SVEP1: variants seen among roughly 807,000 people sequenced by gnomAD.
The protein encoded by SVEP1 is sushi, von Willebrand factor type A, EGF and pentraxin domain-containing protein 1.
SVEP1 carries 164 observed loss-of-function variants against 367.3 expected under a neutral mutation model. The observed-to-expected ratio is 0.45, with a 90% CI of 0.39 to 0.51. The LOEUF (loss-of-function observed/expected upper bound fraction) is 0.51, where lower values mean the gene tolerates loss of function less well. Among genes scored for constraint, SVEP1 ranks in the 20% least tolerant of loss-of-function variants. SVEP1 has a pLI of 0.00. For missense variants in SVEP1, 4,117 were observed against 4,425.3 expected (o/e 0.93, Z 1.98); for synonymous variants, 1,666 against 1,611.6 (o/e 1.03, Z -0.81).
intron 3 of SVEP1, among the ~76,000 whole-genome samples, chr9:110,530,596 A>G (rs1830005604): frequency 6.6e-6 from 1 of 151,930 alleles, no homozygotes; most frequent in Admixed American, 6.6e-5. Context: ...GAGTGCAGTG[A>G]TATGGTCTTG....
intron 15 of SVEP1, 62 bp downstream of exon 15, chr9:110,472,097 G>T: frequency 2.7e-6 from 4 of 1,469,560 alleles, no homozygotes; most frequent in Non-Finnish European, 3.7e-6. Context: ...GATTTGAGAA[G>T]CAGGTTTCCA....
chr9:110,563,810 T>C (rs1030943534), intron 1 of SVEP1, among the ~76,000 whole-genome samples: 1 of 152,198 alleles, frequency 6.6e-6, no homozygotes, highest in Non-Finnish European at 1.5e-5. Flanking sequence ...TCTCTTTGTA[T>C]ATCTTCTTCA....
Position 110,415,523 on chromosome 9 carries a change from G to A in SVEP1, c.5976-3788C>T, listed in dbSNP as rs140248704. ...AGCATCTTGAGAAGTGGAAGAAGAC[G>A]GTAAGACAGGTCATATTTTACAAAG... On this transcript the variant is annotated intron_variant, in intron 36 of 47. Coordinates refer to ENST00000374469, the MANE Select transcript of SVEP1 (RefSeq NM_153366.4). Among the ~76,000 whole-genome samples the A allele has an allele frequency of 1.2e-3, 178 of 152,072 alleles. 7 individuals carry two copies. Among genetic ancestry groups the A allele is most frequent in the African/African-American group, 4.0e-3 (164 of 41,356 alleles).
chr9:110,400,746 A>C (rs1424293797), intron 40 of SVEP1, 108 bp downstream of exon 40: 5 of 1,189,334 alleles, frequency 4.2e-6, no homozygotes, highest in African/African-American at 1.6e-5. Flanking sequence ...AGTATAATAG[A>C]ATCTTTTGAG....
At chr9:110,405,535 A>C (rs34410014) in intron 38 of SVEP1, among the ~76,000 whole-genome samples, 263 of 127,990 alleles carry the variant, frequency 2.1e-3, no homozygotes, top group Middle Eastern at 4.0e-3. Context: ...CAGCATAATT[A>C]ATATGTATTA....
chr9:110,423,675 T>A (rs899696284), intron 36 of SVEP1, among the ~76,000 whole-genome samples: 4 of 151,870 alleles, frequency 2.6e-5, no homozygotes, highest in Non-Finnish European at 5.9e-5. Context: ...TATATTAAAA[T>A]AAAAAATTCT....
chr9:110,425,642 C>G (rs543877586), intron 36 of SVEP1, among the ~76,000 whole-genome samples: 1 of 152,252 alleles, frequency 6.6e-6, no homozygotes, highest in African/African-American at 2.4e-5. Context: ...ATTTTTTAAT[C>G]GTTTTCATAA....
In SVEP1 at chr9:110,411,227, A is replaced by G; in HGVS notation, c.6484T>C (p.Tyr2162His). 1 of 1,613,988 alleles carries G rather than the reference A, an allele frequency of 6.2e-7. No individual in the cohort carries two copies. The highest frequency in any genetic ancestry group is 1.3e-5 in the African/African-American group (1 of 75,036). Residue 2162 changes from tyrosine to histidine, a missense_variant, in exon 37 of 48, where the codon TAC (tyrosine) becomes CAC (histidine). Around this residue, in one of 4 missense-constraint regions of SVEP1, gnomAD observed 1,765 missense variants for 1,781.1 expected, o/e 0.99. Transcript: ENST00000374469. ...TAAGCCACCATGGCTCCAAAACTGTAGTTTGATCCACTTGCATAGCCATTC... is the reference window on the plus strand; with the variant it reads ...TAAGCCACCATGGCTCCAAAACTGTGGTTTGATCCACTTGCATAGCCATTC... Reference protein sequence around the residue: ...IMNGYASGSNYSFGAMVAYSC... With the variant: ...IMNGYASGSNHSFGAMVAYSC...
intron 41 of SVEP1, among the ~76,000 whole-genome samples, chr9:110,387,887 A>C (rs1312821018): frequency 6.6e-6 from 1 of 152,182 alleles, no homozygotes; most frequent in African/African-American, 2.4e-5. Flanking sequence ...AATAACAAAT[A>C]CATTTTTAGT....
chr9:110,497,810 C>G (rs1210574045), intron 7 of SVEP1, among the ~76,000 whole-genome samples: 1 of 152,212 alleles, frequency 6.6e-6, no homozygotes. Context: ...ATTAGGTCTT[C>G]TGTAACTTCT....
rs1020852399 is a variant in SVEP1, at chr9:110,451,328, C to T, written c.3862G>A (p.Val1288Met). ...ACACATGTGCAACGATAGCCAGCCA[C>T]ACCATCAACACAGATTCCTTTATTT... Reference protein sequence around the residue: ...CLNKGICVDGVAGYRCTCVKG... With the variant: ...CLNKGICVDGMAGYRCTCVKG... Residue 1288 changes from valine to methionine, a missense_variant, in exon 23 of 48, where the codon GTG (valine) becomes ATG (methionine). Physicochemically the swap from Val to Met is conservative, Grantham distance 21 (BLOSUM62 1). Transcript: ENST00000374469. 1 of 1,613,796 alleles carries T rather than the reference C, an allele frequency of 6.2e-7. No individual in the cohort carries two copies. Among genetic ancestry groups the T allele is most frequent in the Non-Finnish European group, 8.5e-7 (1 of 1,179,762 alleles).
chr9:110,570,067 A>C (rs1396720808), intron 1 of SVEP1, among the ~76,000 whole-genome samples: 1 of 152,190 alleles, frequency 6.6e-6, no homozygotes, highest in African/African-American at 2.4e-5. Flanking sequence ...AACAACTCTC[A>C]CAGAGTTTTT....
intron 40 of SVEP1, among the ~76,000 whole-genome samples, chr9:110,389,918 T>C (rs1471705198): frequency 2.7e-4 from 41 of 151,578 alleles, no homozygotes; most frequent in Admixed American, 2.6e-3. Flanking sequence ...CTTAGAAATA[T>C]ATGAATCATA....
rs190605865 is a variant in SVEP1, at chr9:110,378,105, C to G, written c.10409-739G>C. On this transcript the variant is annotated intron_variant, in intron 44 of 47. Transcript: ENST00000374469. ...TATCTGCCTATTTTTATCTGCATGT[C>G]TATCTAATCTATCTTCTTAATCATC... Among the ~76,000 whole-genome samples the G allele has an allele frequency of 2.7e-3, 409 of 150,156 alleles. 1 individual carries two copies. Among genetic ancestry groups the G allele is most frequent in the African/African-American group, 9.1e-3 (372 of 40,760 alleles).
At chr9:110,386,777 G>A (rs1249608330) in intron 42 of SVEP1, among the ~76,000 whole-genome samples, 2 of 152,194 alleles carry the variant, frequency 1.3e-5, no homozygotes, top group African/African-American at 2.4e-5. Flanking sequence ...GTACACTTCC[G>A]CTGTTACTAC....
intron 27 of SVEP1, among the ~76,000 whole-genome samples, chr9:110,437,616 G>T (rs1371217611): frequency 1.3e-5 from 2 of 152,124 alleles, no homozygotes; most frequent in African/African-American, 4.8e-5. Context: ...ATTCTACCCT[G>T]TGACTTTCTT....
In SVEP1 at chr9:110,546,302, C is replaced by T. The variant is rs1432003666; in HGVS notation, c.788-11G>A. 3.2e-6 allele frequency: 5 copies of T among 1,574,874 alleles called. No homozygotes were observed. Among genetic ancestry groups the T allele is most frequent in the Admixed American group, 1.8e-5 (1 of 54,414 alleles). ...TCCCAGAAGGTAGATCTACAAATAA[C>T]ATATGACAGAGGGCGATAAAAATGA... On this transcript the variant is annotated splice_polypyrimidine_tract_variant and intron_variant, in intron 2 of 47. Coordinates refer to ENST00000374469, the MANE Select transcript of SVEP1 (RefSeq NM_153366.4).
intron 8 of SVEP1, among the ~76,000 whole-genome samples, chr9:110,490,477 C>A (rs1829351559): frequency 6.6e-6 from 1 of 152,222 alleles, no homozygotes; most frequent in South Asian, 2.1e-4. Flanking sequence ...CTTCTCTTAT[C>A]TCTCCCTCCC....
At chr9:110,541,946 A>C (rs543068760) in intron 3 of SVEP1, among the ~76,000 whole-genome samples, 55 of 150,380 alleles carry the variant, frequency 3.7e-4, no homozygotes, top group African/African-American at 1.3e-3. Flanking sequence ...ATTTATACAT[A>C]TCTATGTACA....
Sources: gnomAD v4.1 joint callset for allele counts (sites outside exome capture counted in the v4.1 genomes callset) on GRCh38, gnomAD v4.1.1 for gene constraint, gnomAD v4.1.1 regional missense constraint, MANE v1.5 for transcripts, NCBI Gene and HGNC (gene_info 2026-07-23, HGNC 2026-07-21) for gene names.